Variants in SLC14A2 observed in about 807,000 individuals in gnomAD.
SLC14A2 encodes the protein urea transporter 2.
SLC14A2 carries 91 observed loss-of-function variants against 104.6 expected under a neutral mutation model. That is an observed-to-expected ratio of 0.87 (90% confidence interval 0.73 to 1.04). The LOEUF (loss-of-function observed/expected upper bound fraction) is 1.04, where lower values mean the gene tolerates loss of function less well. Among genes scored for constraint, SLC14A2 ranks in the 50% least tolerant of loss-of-function variants. SLC14A2 has a pLI of 0.00. For missense variants in SLC14A2, 1,189 were observed against 1,156.0 expected (o/e 1.03, Z -0.41); for synonymous variants, 476 against 466.4 (o/e 1.02, Z -0.27).
chr18:45,294,952 T>C (rs1357094223), intron 1 of SLC14A2, among the ~76,000 whole-genome samples: 1 of 152,250 alleles, frequency 6.6e-6, no homozygotes, highest in Non-Finnish European at 1.5e-5. Context: ...TTTGAAAGCA[T>C]ACAACATTCT....
intron 10 of SLC14A2, among the ~76,000 whole-genome samples, chr18:45,649,769 G>C (rs1419014240): frequency 6.6e-6 from 1 of 152,224 alleles, no homozygotes; most frequent in East Asian, 1.9e-4. Context: ...TCTAGATATT[G>C]TTCCTTCATT....
In SLC14A2 at chr18:45,636,970, T is replaced by C; in HGVS notation, c.651-20T>C. ...CTCAGGATGTCACAGGGATTAACCC[T>C]CTGTCTCTTGCATCTTCAGCCCAGT... On this transcript the variant is annotated intron_variant, in intron 5 of 19. Coordinates refer to ENST00000255226, the MANE Select transcript of SLC14A2 (RefSeq NM_007163.4). 6.2e-7 allele frequency: 1 copy of C among 1,604,466 alleles called. No individual in the cohort carries two copies. Among genetic ancestry groups the C allele is most frequent in the South Asian group, 1.1e-5 (1 of 90,010 alleles).
At chr18:45,425,843 A>G (rs965402942) in intron 1 of SLC14A2, among the ~76,000 whole-genome samples, 1 of 151,968 alleles carries the variant, frequency 6.6e-6, no homozygotes, top group Non-Finnish European at 1.5e-5. Context: ...TTTCCCATGG[A>G]TAGGTAAACA....
At chr18:45,657,670 A>G (rs1042703459) in intron 10 of SLC14A2, among the ~76,000 whole-genome samples, 3 of 152,132 alleles carry the variant, frequency 2.0e-5, no homozygotes, top group African/African-American at 7.2e-5. Context: ...AGAGACACCT[A>G]TGTCTTATCT....
chr18:45,364,191 C>CTCTA (rs1282292982), intron 1 of SLC14A2, among the ~76,000 whole-genome samples: 1 of 152,202 alleles, frequency 6.6e-6, no homozygotes, highest in Non-Finnish European at 1.5e-5. Context: ...TTATTCCCTG[C>CTCTA]TCTAGATGGC....
chr18:45,289,777 T>C (rs2084851279), intron 1 of SLC14A2, among the ~76,000 whole-genome samples: 1 of 152,142 alleles, frequency 6.6e-6, no homozygotes. Flanking sequence ...GACTGTCCTA[T>C]AAGAAGTGCC....
chr18:45,309,154 A>G (rs1403319969), intron 1 of SLC14A2, among the ~76,000 whole-genome samples: 1 of 152,172 alleles, frequency 6.6e-6, no homozygotes, highest in African/African-American at 2.4e-5. Context: ...ACTACACAGT[A>G]TAAGGGGCTT....
chr18:45,178,897 G>A, the SLC14A2 span, among the ~76,000 whole-genome samples: 1 of 152,146 alleles, frequency 6.6e-6, no homozygotes, highest in Non-Finnish European at 1.5e-5. Flanking sequence ...GAAAACATCT[G>A]ATCATGTAGA....
chr18:45,426,280 T>A (rs952238514), intron 1 of SLC14A2, among the ~76,000 whole-genome samples: 3 of 152,258 alleles, frequency 2.0e-5, no homozygotes, highest in Admixed American at 6.5e-5. Flanking sequence ...CCACTTATTG[T>A]CATTGTTAGC....
exon 1 of SLC14A2, chr18:45,213,028 T>A (rs1420004775): frequency 1.3e-5 from 2 of 152,508 alleles, no homozygotes; most frequent in East Asian, 3.9e-4. Context: ...AAAACGACCA[T>A]GCTGAAAGAG....
chr18:45,330,732 A>T (rs569905746), intron 1 of SLC14A2, among the ~76,000 whole-genome samples: 2 of 152,204 alleles, frequency 1.3e-5, no homozygotes, highest in Non-Finnish European at 2.9e-5. Flanking sequence ...GGCCATTTCC[A>T]ATTCAGAAAG....
chr18:45,612,266 A>T (rs972054116), upstream of SLC14A2, among the ~76,000 whole-genome samples: 1 of 152,126 alleles, frequency 6.6e-6, no homozygotes, highest in African/African-American at 2.4e-5. Flanking sequence ...GATGGCTCAG[A>T]CTCTGCGGGC....
At chr18:45,407,408 G>T (rs543344515) in intron 1 of SLC14A2, among the ~76,000 whole-genome samples, 1 of 152,338 alleles carries the variant, frequency 6.6e-6, no homozygotes, top group South Asian at 2.1e-4. Context: ...TTAAGGGAAT[G>T]TTGTGGCTGG....
chr18:45,438,251 C>G (rs1453999059), intron 1 of SLC14A2: 1 of 152,200 alleles, frequency 6.6e-6, no homozygotes, highest in Non-Finnish European at 1.5e-5. Flanking sequence ...AGCCATTCAG[C>G]ATCTCTCTGC....
Position 45,639,863 on chromosome 18 carries a change from G to T in SLC14A2, c.961G>T (p.Ala321Ser). ...CTCGCCACTCATCTGCTTGCATGCAGCCATTGGCTCAATCGTGGGGCTGCT... is the reference window on the plus strand; with the variant it reads ...CTCGCCACTCATCTGCTTGCATGCATCCATTGGCTCAATCGTGGGGCTGCT... ...ISSPLICLHA[A>S]IGSIVGLLAA... The change falls in exon 7 of 20, where the codon GCC becomes TCC. Residue 321 changes from alanine to serine, a missense_variant. Coordinates refer to ENST00000255226, the MANE Select transcript of SLC14A2 (RefSeq NM_007163.4). The T allele has an allele frequency of 6.2e-7, 1 of 1,613,734 alleles. No individual in the cohort carries two copies. Among genetic ancestry groups the T allele is most frequent in the Non-Finnish European group, 8.5e-7 (1 of 1,179,982 alleles).
At chr18:45,667,648 G>C (rs1468086709) in intron 13 of SLC14A2, among the ~76,000 whole-genome samples, 185 bp from the exon 14 acceptor site, 1 of 152,198 alleles carries the variant, frequency 6.6e-6, no homozygotes, top group East Asian at 1.9e-4. Flanking sequence ...GGTCTCAAGA[G>C]TTTTCTTGGC....
chr18:45,634,431 G>T (rs2045387989), intron 5 of SLC14A2, among the ~76,000 whole-genome samples: 1 of 152,220 alleles, frequency 6.6e-6, no homozygotes, highest in Non-Finnish European at 1.5e-5. Context: ...AGCAAGAGAG[G>T]CTAAATGGGA....
intron 1 of SLC14A2, among the ~76,000 whole-genome samples, chr18:45,339,288 A>C (rs2085369456): frequency 6.6e-6 from 1 of 152,132 alleles, no homozygotes; most frequent in Non-Finnish European, 1.5e-5. Flanking sequence ...TTATACTAGG[A>C]CAAGACTGCC....
At chr18:45,493,923 G>C (rs1171145327) in intron 2 of SLC14A2, among the ~76,000 whole-genome samples, 1 of 152,160 alleles carries the variant, frequency 6.6e-6, no homozygotes, top group Non-Finnish European at 1.5e-5. Context: ...CTGCATAAAG[G>C]CTAAATAGAA....
Sources: gnomAD v4.1 joint callset for allele counts (sites outside exome capture counted in the v4.1 genomes callset) on GRCh38, gnomAD v4.1.1 for gene constraint, MANE v1.5 for transcripts, NCBI Gene and HGNC (gene_info 2026-07-23, HGNC 2026-07-21) for gene names.